The following HPN variants were observed in gnomAD, a reference collection of about 807,000 sequenced individuals.
HPN encodes hepsin.
A neutral mutation model predicts 55.9 loss-of-function variants in HPN; 13 were observed. The ratio of observed to expected loss-of-function variants is 0.23; its 90% confidence interval spans 0.15 to 0.37. The LOEUF (loss-of-function observed/expected upper bound fraction) is 0.37. Ranked by LOEUF, HPN falls within the 10% of genes least tolerant of loss-of-function variation. The pLI, the probability that HPN is intolerant of heterozygous loss-of-function variation, is 1.00. For missense variants in HPN, 451 were observed against 575.8 expected (o/e 0.78, Z 2.22); for synonymous variants, 225 against 240.3 (o/e 0.94, Z 0.59).
At position 35,065,688 on chromosome 19, in the gene HPN, G is replaced by A. The variant is rs575970114; in HGVS notation, c.1050+7G>A. On this transcript the variant is annotated splice_region_variant and intron_variant, in intron 11 of 12. Coordinates refer to ENST00000672452, the MANE Select transcript of HPN (RefSeq NM_001384133.1). The stretch of plus-strand genomic sequence containing the variant: ...TGGCATTGATGCCTGCCAGGTGAGG[G>A]ACTCTGTAGGGGCAGCCCCCTGGTC... The A allele has an allele frequency of 1.9e-6, 3 of 1,614,008 alleles. No homozygotes were observed. The South Asian group carries it at 3.3e-5, about 18-fold the overall frequency.
At chr19:35,047,126 C>A (rs2064350026) in intron 2 of HPN, among the ~76,000 whole-genome samples, 1 of 152,240 alleles carries the variant, frequency 6.6e-6, no homozygotes. Context: ...CCGAGCCCGG[C>A]TAGGAGTTGG....
At chr19:35,045,758 C>T (rs1568355286) in intron 2 of HPN, among the ~76,000 whole-genome samples, 1 of 140,348 alleles carries the variant, frequency 7.1e-6, no homozygotes, top group Non-Finnish European at 1.6e-5. Context: ...GATGAGGATG[C>T]GTCCCACACC....
intron 9 of HPN, among the ~76,000 whole-genome samples, chr19:35,062,060 A>G (rs1479316976): frequency 3.4e-4 from 2 of 5,966 alleles, no homozygotes; most frequent in African/African-American, 4.1e-4. Flanking sequence ...CTTGTCTGTT[A>G]AAAAAAGAAG....
intron 9 of HPN, 119 bp from the exon 10 acceptor site, chr19:35,065,131 T>TG: frequency 1.5e-6 from 1 of 647,430 alleles, no homozygotes; most frequent in Non-Finnish European, 2.6e-6. Context: ...CTATTGTGGT[T>TG]TTTTTTTTAA....
chr19:35,051,265 C>T (rs1247907289), intron 4 of HPN, among the ~76,000 whole-genome samples: 3 of 152,144 alleles, frequency 2.0e-5, no homozygotes, highest in Non-Finnish European at 2.9e-5. Flanking sequence ...CGTGCCACCA[C>T]ACCCAGCTAA....
At chr19:35,064,353 C>G (rs2064575051) in intron 9 of HPN, among the ~76,000 whole-genome samples, 1 of 152,086 alleles carries the variant, frequency 6.6e-6, no homozygotes, top group East Asian at 1.9e-4. Flanking sequence ...TTCTCTCTCT[C>G]TCTTTCTTTT....
intron 2 of HPN, among the ~76,000 whole-genome samples, chr19:35,048,074 A>AAG (rs1491040006): frequency 1.7e-5 from 1 of 57,326 alleles, no homozygotes; most frequent in Non-Finnish European, 3.2e-5. Context: ...GAAAGAAAGA[A>AAG]AGAAAGAAAA....
At position 35,041,786 on chromosome 19, in the gene HPN, G is replaced by T; in HGVS notation, c.-141G>T. 1 of 1,321,246 alleles carries T rather than the reference G, an allele frequency of 7.6e-7. No homozygotes were observed. Among genetic ancestry groups the T allele is most frequent in the East Asian group, 5.3e-5 (1 of 18,780 alleles). The allele number at this position is 1,321,246 out of a possible 1,614,324, so 81.8% of individuals were successfully genotyped here. ...CTGCCTCCAGGCCGCCCGCTGCTGC[G>T]GGGCCACCATGCTCCTGCCCAGGCC... On this transcript the variant is annotated 5_prime_UTR_variant, in exon 1 of 13. Transcript: ENST00000672452.
intron 1 of HPN, 21 bp from the exon 2 acceptor site, chr19:35,042,432 T>G: frequency 6.4e-7 from 1 of 1,552,362 alleles, no homozygotes; most frequent in Non-Finnish European, 8.7e-7. Context: ...AGGCCCTGCC[T>G]CCCCGTCCAT....
intron 9 of HPN, 83 bp from the exon 10 acceptor site, chr19:35,065,167 G>T: frequency 1.1e-6 from 1 of 907,134 alleles, no homozygotes; most frequent in Non-Finnish European, 1.7e-6. Context: ...GGGTGTGTTA[G>T]GGGCCATGGT....
chr19:35,042,440 C>T lies in HPN; in HGVS notation c.-54-13C>T, dbSNP rs998602312. ...CTCCCCCAGGCCCTGCCTCCCCGTCCATCTCCTCACAGGTCCCACCCTGGC... is the reference window on the plus strand; with the variant it reads ...CTCCCCCAGGCCCTGCCTCCCCGTCTATCTCCTCACAGGTCCCACCCTGGC... On this transcript the variant is annotated splice_polypyrimidine_tract_variant and intron_variant, in intron 1 of 12. Coordinates refer to ENST00000672452, the MANE Select transcript of HPN (RefSeq NM_001384133.1). 3.2e-6 allele frequency: 5 copies of T among 1,565,338 alleles called. No individual in the cohort carries two copies. The African/African-American group carries it at 6.8e-5, about 21-fold the overall frequency.
chr19:35,047,989 CAAA>C (rs1226688861), intron 2 of HPN, among the ~76,000 whole-genome samples: 2 of 38,012 alleles, frequency 5.3e-5, no homozygotes, highest in Non-Finnish European at 5.2e-5. Context: ...AACCCTGTCT[CAAA>C]AAAAAAAAAA....
chr19:35,065,174 TG>T, intron 9 of HPN, 75 bp from the exon 10 acceptor site: 6 of 977,188 alleles, frequency 6.1e-6, no homozygotes, highest in Non-Finnish European at 7.9e-6. Context: ...TTAGGGGCCA[TG>T]GTAGCAGCTG....
At chr19:35,048,755 G>A (rs990289472) in intron 2 of HPN, among the ~76,000 whole-genome samples, 7 of 152,128 alleles carry the variant, frequency 4.6e-5, no homozygotes, top group South Asian at 2.1e-4. Flanking sequence ...AAAATAAAAT[G>A]AGGCTGGCAG....
chr19:35,046,332 C>T (rs550531356), intron 2 of HPN, among the ~76,000 whole-genome samples: 1 of 152,186 alleles, frequency 6.6e-6, no homozygotes, highest in East Asian at 1.9e-4. Flanking sequence ...GCAACCTCCA[C>T]CTCCCGGGTT....
rs1191185965 is a variant in HPN, at chr19:35,046,185, T to C, written c.17-3105T>C. Among the ~76,000 whole-genome samples, 4 of 151,300 alleles carry C rather than the reference T, an allele frequency of 2.6e-5. No homozygotes were observed. The East Asian group carries it at 7.8e-4, about 29-fold the overall frequency. On this transcript the variant is annotated intron_variant, in intron 2 of 12. Transcript: ENST00000672452. ...CAGTAGTTGGGCTGGTCTGGCCCAC[T>C]GGGGCCTCTTTTGGGGAAGAGAGTG... is the stretch of plus-strand genomic sequence containing the variant.
intron 4 of HPN, among the ~76,000 whole-genome samples, chr19:35,050,043 G>A (rs1320277264): frequency 1.3e-5 from 2 of 152,206 alleles, no homozygotes; most frequent in South Asian, 4.1e-4. Flanking sequence ...TTCTTACTGC[G>A]TGGCATGGTG....
upstream of HPN, chr19:35,041,688 T>TACCCCCCCCCCC: frequency 1.6e-6 from 1 of 638,114 alleles, no homozygotes; most frequent in South Asian, 2.6e-5. Context: ...CCCCGCCCCT[T>TACCCCCCCCCCC]CACCCGCCCC....
intron 3 of HPN, 34 bp from the exon 4 acceptor site, chr19:35,049,441 A>C (rs753691506): frequency 7.4e-6 from 12 of 1,613,170 alleles, no homozygotes; most frequent in Non-Finnish European, 9.3e-6. Context: ...TGCAGCCTCC[A>C]GCCTGCCTGC....
Sources: gnomAD v4.1 joint callset for allele counts (sites outside exome capture counted in the v4.1 genomes callset) on GRCh38, gnomAD v4.1.1 for gene constraint, MANE v1.5 for transcripts, NCBI Gene and HGNC (gene_info 2026-07-23, HGNC 2026-07-21) for gene names.